SULT1A2: variants seen among roughly 807,000 people sequenced by gnomAD.
SULT1A2 encodes the protein sulfotransferase family 1A member 2.
In SULT1A2, 33 loss-of-function variants were observed where a neutral mutation model predicts 36.0. The ratio of observed to expected loss-of-function variants is 0.92; its 90% CI spans 0.69 to 1.22. The LOEUF (loss-of-function observed/expected upper bound fraction) is 1.22, where lower values mean the gene tolerates loss of function less well. Ranked by LOEUF, SULT1A2 falls within the 50% of genes most tolerant of loss-of-function variation. SULT1A2 has a pLI of 0.00. For synonymous variants in SULT1A2, 138 were observed against 144.5 expected (o/e 0.96, Z 0.32); for missense variants, 367 against 383.2 (o/e 0.96, Z 0.35).
intron 4 of SULT1A2, 149 bp from the exon 5 acceptor site, chr16:28,593,717 T>A: frequency 2.1e-6 from 3 of 1,461,952 alleles, no homozygotes; most frequent in Non-Finnish European, 1.8e-6. Context: ...AGTCAGGATC[T>A]GAACCCTGCT....
Position 28,595,425 on chromosome 16 carries a change from A to T in SULT1A2, c.314T>A (p.Leu105Gln). The T allele has an allele frequency of 1.2e-6, 2 of 1,614,054 alleles. No individual in the cohort carries two copies. Among genetic ancestry groups the T allele is most frequent in the Non-Finnish European group, 1.7e-6 (2 of 1,180,008 alleles). The change falls in exon 4 of 8, where the codon CTG (leucine) becomes CAG (glutamine). Residue 105 changes from leucine to glutamine, a missense_variant. Leu to Gln is a moderately radical substitution (Grantham distance 113). Coordinates refer to ENST00000335715, the MANE Select transcript of SULT1A2 (RefSeq NM_001054.4). ...TLKNTPAPRL[L>Q]KTHLPLALLP... ...CAGAGCCAGGGGCAGGTGTGTCTTC[A>T]GGAGTCGTGGGGCTGGTGTGTTTTT...
intron 4 of SULT1A2, among the ~76,000 whole-genome samples, chr16:28,594,483 C>T (rs1393746256): frequency 1.3e-5 from 2 of 152,132 alleles, no homozygotes; most frequent in Non-Finnish European, 2.9e-5. Flanking sequence ...AACAATGTCT[C>T]GTTGTGTCTC....
Position 28,597,029 on chromosome 16 carries a change from C to G in SULT1A2, c.-37G>C. The G allele has an allele frequency of 2.3e-6, 3 of 1,283,166 alleles. No homozygotes were observed. Among genetic ancestry groups the G allele is most frequent in the Non-Finnish European group, 2.0e-6 (2 of 983,386 alleles). The allele number at this position is 1,283,166 out of a possible 1,614,324, so 79.5% of individuals were successfully genotyped here. On this transcript the variant is annotated 5_prime_UTR_variant, in exon 1 of 8. Coordinates refer to ENST00000335715, the MANE Select transcript of SULT1A2 (RefSeq NM_001054.4). ...CTTGGGAACCTGGCCTTGTGCCCTC[C>G]TCGCCCGCAGTGGCTGAGTGTGGGT... is the stretch of plus-strand genomic sequence containing the variant.
At chr16:28,596,843 A>AT (rs2047064322) in intron 1 of SULT1A2, 154 bp downstream of exon 1, 5 of 410,274 alleles carry the variant, frequency 1.2e-5, no homozygotes, top group South Asian at 9.5e-5. Flanking sequence ...AAAAAAAAAA[A>AT]GGAAGGGAGG....
At position 28,593,449 on chromosome 16, in the gene SULT1A2, A is replaced by G. The variant is rs139896537; in HGVS notation, c.492T>C (p.Ala164=). 8,866 of 1,614,156 alleles carry G rather than the reference A, an allele frequency of 5.5e-3. 146 individuals are homozygous for G. Among genetic ancestry groups the G allele is most frequent in the Non-Finnish European group, 4.0e-3 (4,761 of 1,180,008 alleles). The part of the protein sequence containing the change: ...TWESFLEKFM[A]GEVSYGSWYQ... ...TCCTCCCATCAAGCCCACCTTCTCC[A>G]GCCATGAACTTCTCCAGGAAGCTTT... Residue 164 remains alanine, a synonymous_variant, in exon 5 of 8, where the codon GCT becomes GCC. Transcript: ENST00000335715.
Position 28,593,516 on chromosome 16 carries a change from A to G in SULT1A2, c.425T>C (p.Phe142Ser). The G allele has an allele frequency of 6.2e-7, 1 of 1,614,178 alleles. No homozygotes were observed. The change falls in exon 5 of 8, where the codon TTC (phenylalanine) becomes TCC (serine). Residue 142 changes from phenylalanine to serine, a missense_variant. Phe to Ser is a radical substitution (Grantham distance 155). Coordinates refer to ENST00000335715, the MANE Select transcript of SULT1A2 (RefSeq NM_001054.4). The part of the protein sequence containing the change: ...AKDVAVSYYH[F>S]YHMAKVYPHP... ...AGGGTACACTTTGGCCATGTGGTAG[A>G]AGTGGTAGTAGGAAACCGCCACATC...
chr16:28,593,318 C>T lies in SULT1A2; in HGVS notation c.528G>A (p.Val176=), dbSNP rs1259226005. 4.3e-6 allele frequency: 7 copies of T among 1,614,098 alleles called. No individual in the cohort carries two copies. Among genetic ancestry groups the T allele is most frequent in the East Asian group, 4.5e-5 (2 of 44,892 alleles). ...EVSYGSWYQH[V]QEWWELSRTH... ...TGCGGCTCAGCTCCCACCACTCTTGCACGTGCTGGTACCAGGACCCATAGG... is the reference window on the plus strand; with the variant it reads ...TGCGGCTCAGCTCCCACCACTCTTGTACGTGCTGGTACCAGGACCCATAGG... Residue 176 remains valine, a synonymous_variant, in exon 6 of 8, where the codon GTG becomes GTA. Coordinates refer to ENST00000335715, the MANE Select transcript of SULT1A2 (RefSeq NM_001054.4).
intron 1 of SULT1A2, chr16:28,596,682 AT>A (rs1377981515): frequency 1.9e-5 from 4 of 206,478 alleles, no homozygotes; most frequent in Non-Finnish European, 4.0e-5. Flanking sequence ...TTTTAAAAAT[AT>A]TTTTTAAAAC....
intron 4 of SULT1A2, 29 bp downstream of exon 4, chr16:28,595,338 C>T (rs547654364): frequency 2.4e-5 from 39 of 1,612,400 alleles, no homozygotes; most frequent in South Asian, 5.5e-5. Context: ...ACTGAGATTG[C>T]GGGTGTGAAC....
intron 4 of SULT1A2, among the ~76,000 whole-genome samples, chr16:28,594,770 C>CT (rs1033591115): frequency 0.018 from 966 of 53,822 alleles, 228 homozygotes; most frequent in African/African-American, 0.043. Flanking sequence ...CCACCTGCCG[C>CT]TTTTTTTTTT....
intron 1 of SULT1A2, 152 bp downstream of exon 1, chr16:28,596,840 AAAAGG>A (rs1297262406): frequency 6.9e-6 from 3 of 437,630 alleles, no homozygotes; most frequent in African/African-American, 2.2e-5. Flanking sequence ...GGAAAAAAAA[AAAAGG>A]AAGGGAGGGG....
chr16:28,592,560 G>A, intron 6 of SULT1A2, 117 bp from the exon 7 acceptor site: 2 of 1,560,476 alleles, frequency 1.3e-6, no homozygotes, highest in Non-Finnish European at 1.7e-6. Context: ...AACCCATAGA[G>A]CCAGCTCCTC....
At chr16:28,594,284 C>T (rs547867344) in intron 4 of SULT1A2, among the ~76,000 whole-genome samples, 13 of 151,958 alleles carry the variant, frequency 8.6e-5, no homozygotes, top group East Asian at 5.8e-4. Context: ...GGGACTATAG[C>T]GCTATGCCAC....
Position 28,593,280 on chromosome 16 carries a change from A to C in SULT1A2, c.566T>G (p.Leu189Arg). The C allele has an allele frequency of 6.2e-7, 1 of 1,614,080 alleles. No homozygotes were observed. Among genetic ancestry groups the C allele is most frequent in the Non-Finnish European group, 8.5e-7 (1 of 1,180,028 alleles). ...CTTCATGTCTTCATAGAAGAGGTAG[A>C]GAACAGGGTGGGTGCGGCTCAGCTC... The part of the protein sequence containing the change: ...WWELSRTHPV[L>R]YLFYEDMKEN... Residue 189 changes from leucine (L) to arginine (R), a missense_variant, in exon 6 of 8, where the codon CTC (leucine) becomes CGC (arginine). Coordinates refer to ENST00000335715, the MANE Select transcript of SULT1A2 (RefSeq NM_001054.4).
At chr16:28,593,866 T>C (rs1278730298) in intron 4 of SULT1A2, among the ~76,000 whole-genome samples, 24 of 152,170 alleles carry the variant, frequency 1.6e-4, no homozygotes, top group Non-Finnish European at 3.4e-4. Context: ...TTTGTGGGCC[T>C]GTGAGGACCC....
chr16:28,595,657 T>C lies in SULT1A2; in HGVS notation c.167A>G (p.Gln56Arg). ...YPKSGTTWVS[Q>R]ILDMIYQGGD... is the part of the protein sequence containing the mutation. ...GCCCTGGTAGATCATGTCCAGAATC[T>C]GGCTCACCCAGGTGGTGCCTGGAGA... is the stretch of plus-strand genomic sequence containing the variant. The change falls in exon 3 of 8, where the codon CAG becomes CGG. Residue 56 changes from glutamine (Q) to arginine (R), a missense_variant. Coordinates refer to ENST00000335715, the MANE Select transcript of SULT1A2 (RefSeq NM_001054.4). 1 of 1,614,144 alleles carries C rather than the reference T, an allele frequency of 6.2e-7. No homozygotes were observed. The highest frequency in any genetic ancestry group is 8.5e-7 in the Non-Finnish European group (1 of 1,180,000).
Position 28,596,924 on chromosome 16 carries a change from C to T in SULT1A2, c.-5+73G>A, listed in dbSNP as rs563462432. The T allele has an allele frequency of 6.3e-4, 679 of 1,076,914 alleles. 2 individuals carry two copies. Among genetic ancestry groups the T allele is most frequent in the South Asian group, 9.7e-4 (62 of 63,602 alleles). The allele number at this position is 1,076,914 out of a possible 1,614,324, so 66.7% of individuals were successfully genotyped here. A position where few individuals can be genotyped will look rare whatever the true frequency, so the allele number is the denominator to read the frequency against. ...GAGAGGGCAGGGATAGCAGAGGCCTCGGCTTCTGGAATGTTGGAGCCACAA... is the reference window on the plus strand; with the variant it reads ...GAGAGGGCAGGGATAGCAGAGGCCTTGGCTTCTGGAATGTTGGAGCCACAA... On this transcript the variant is annotated intron_variant, in intron 1 of 7. Coordinates refer to ENST00000335715, the MANE Select transcript of SULT1A2 (RefSeq NM_001054.4).
intron 1 of SULT1A2, chr16:28,596,283 T>A: frequency 8.2e-7 from 1 of 1,223,812 alleles, no homozygotes; most frequent in Non-Finnish European, 1.0e-6. Context: ...TCTAGGACCT[T>A]CCTGTGCTGT....
intron 1 of SULT1A2, chr16:28,596,365 T>A: frequency 8.9e-7 from 1 of 1,117,776 alleles, no homozygotes; most frequent in Non-Finnish European, 1.1e-6. Flanking sequence ...AGTAGGCTCC[T>A]CTCCCCGATG....
Sources: gnomAD v4.1 joint callset for allele counts (sites outside exome capture counted in the v4.1 genomes callset) on GRCh38, gnomAD v4.1.1 for gene constraint, MANE v1.5 for transcripts, NCBI Gene and HGNC (gene_info 2026-07-23, HGNC 2026-07-21) for gene names.